Variants in CORIN observed in about 807,000 individuals in gnomAD.
CORIN encodes the protein atrial natriuretic peptide-converting enzyme.
CORIN carries 117 observed loss-of-function variants against 125.3 expected under a neutral mutation model. That is an observed-to-expected ratio of 0.93 (90% confidence interval 0.80 to 1.09). CORIN has a LOEUF of 1.09. Ranked by LOEUF, CORIN falls within the 50% of genes least tolerant of loss-of-function variation. The pLI is 0.00. For synonymous variants in CORIN, 450 were observed against 466.4 expected (o/e 0.96, Z 0.45); for missense variants, 1,253 against 1,306.7 (o/e 0.96, Z 0.63).
rs955210725 is a variant in CORIN, at chr4:47,789,171, G to A, written c.209-2246C>T. On this transcript the variant is annotated intron_variant, in intron 2 of 21. Coordinates refer to ENST00000273857, the MANE Select transcript of CORIN (RefSeq NM_006587.4). ...AAAATAAAATTAGCTGGGCATGGTGGCGGGCACCTGTAATCTCAGCTACTA... is the reference window on the plus strand; with the variant it reads ...AAAATAAAATTAGCTGGGCATGGTGACGGGCACCTGTAATCTCAGCTACTA... 4.6e-5 allele frequency among the ~76,000 whole-genome samples: 7 copies of A among 152,212 alleles called. No homozygotes were observed. In the South Asian group the frequency reaches 1.5e-3, roughly 32 times the overall value.
chr4:47,821,227 C>A (rs528168610), intron 1 of CORIN, among the ~76,000 whole-genome samples: 1 of 151,384 alleles, frequency 6.6e-6, no homozygotes, highest in African/African-American at 2.4e-5. Flanking sequence ...AGAGCGAGAC[C>A]CCATCTCAAA....
At chr4:47,718,438 T>G (rs1727199961) in intron 5 of CORIN, among the ~76,000 whole-genome samples, 1 of 152,176 alleles carries the variant, frequency 6.6e-6, no homozygotes, top group African/African-American at 2.4e-5. Flanking sequence ...TATTAGGTAG[T>G]AAGGAAAATT....
At chr4:47,693,230 C>A in intron 5 of CORIN, 147 bp from the exon 6 acceptor site, 1 of 619,966 alleles carries the variant, frequency 1.6e-6, no homozygotes, top group South Asian at 2.0e-5. Context: ...ATCAATTTTT[C>A]TTTGGCATCC....
chr4:47,769,762 G>A (rs1258159937), intron 3 of CORIN, among the ~76,000 whole-genome samples: 1 of 151,968 alleles, frequency 6.6e-6, no homozygotes, highest in African/African-American at 2.4e-5. Flanking sequence ...ATACACAATG[G>A]GGAAACAACA....
chr4:47,628,440 G>A (rs868242453), intron 16 of CORIN, among the ~76,000 whole-genome samples: 223 of 79,878 alleles, frequency 2.8e-3, no homozygotes, highest in African/African-American at 0.015. Flanking sequence ...ATAGTTACGT[G>A]TGTGTGTGTG....
At chr4:47,607,955 G>GA (rs112787504) in intron 19 of CORIN, among the ~76,000 whole-genome samples, 38,949 of 141,896 alleles carry the variant, frequency 0.27, 5,194 homozygotes, top group Admixed American at 0.36. Flanking sequence ...TCAAAAAAAA[G>GA]AAAAAAAAAA....
chr4:47,603,371 GAGA>G, intron 20 of CORIN, 23 bp downstream of exon 20: 1 of 1,607,794 alleles, frequency 6.2e-7, no homozygotes, highest in Non-Finnish European at 8.5e-7. Context: ...ATAGCAGCAT[GAGA>G]ATGGACTAAT....
At chr4:47,799,425 T>C (rs779241043) in intron 2 of CORIN, among the ~76,000 whole-genome samples, 6 of 152,156 alleles carry the variant, frequency 3.9e-5, no homozygotes, top group Admixed American at 1.3e-4. Context: ...ACAGCATCTG[T>C]TGTTTTTTGA....
At chr4:47,791,896 T>A (rs1325448762) in intron 2 of CORIN, among the ~76,000 whole-genome samples, 1 of 152,172 alleles carries the variant, frequency 6.6e-6, no homozygotes, top group Non-Finnish European at 1.5e-5. Flanking sequence ...ATCAAGATGT[T>A]TATAGATTAG....
chr4:47,656,152 A>ATTT lies in CORIN; in HGVS notation c.1736-2495_1736-2493dup, dbSNP rs199763449. ...AGGTCATTCATCATGACCATTTAGG[A>ATTT]TTTTTTTTTTTTTTTTTTTTGAGAT... is the stretch of plus-strand genomic sequence containing the variant. On this transcript the variant is annotated intron_variant, in intron 12 of 21. Coordinates refer to ENST00000273857, the MANE Select transcript of CORIN (RefSeq NM_006587.4). Among the ~76,000 whole-genome samples the ATTT allele has an allele frequency of 2.0e-3, 262 of 133,700 alleles. 1 individual carries two copies. Among genetic ancestry groups the ATTT allele is most frequent in the African/African-American group, 5.3e-3 (189 of 35,892 alleles). The allele number at this position is 133,700 out of a possible 152,430, so 87.7% of individuals were successfully genotyped here.
intron 16 of CORIN, among the ~76,000 whole-genome samples, chr4:47,630,149 C>T (rs1722751678): frequency 6.6e-6 from 1 of 152,138 alleles, no homozygotes; most frequent in Non-Finnish European, 1.5e-5. Context: ...TAAACATTCA[C>T]CTTCGCCTAC....
At chr4:47,773,528 C>T (rs967136891) in intron 3 of CORIN, among the ~76,000 whole-genome samples, 2 of 152,170 alleles carry the variant, frequency 1.3e-5, no homozygotes, top group African/African-American at 2.4e-5. Flanking sequence ...ATTTAAATAA[C>T]GCTCTCTAAT....
At chr4:47,661,503 C>A (rs1724248511) in intron 12 of CORIN, 2 of 503,176 alleles carry the variant, frequency 4.0e-6, no homozygotes, top group Admixed American at 3.6e-5. Context: ...AAAATGACTT[C>A]TTTATTTTTA....
intron 5 of CORIN, among the ~76,000 whole-genome samples, chr4:47,729,449 G>A (rs1317298673): frequency 6.6e-6 from 1 of 152,170 alleles, no homozygotes; most frequent in Non-Finnish European, 1.5e-5. Flanking sequence ...AGAACTGAGG[G>A]GAGATATCTG....
At position 47,675,741 on chromosome 4, in the gene CORIN, A is replaced by G. The variant is rs571951790; in HGVS notation, c.1250-1241T>C. Among the ~76,000 whole-genome samples the G allele has an allele frequency of 3.2e-4, 48 of 152,078 alleles. 1 individual carries two copies. Among genetic ancestry groups the G allele is most frequent in the African/African-American group, 1.1e-3 (46 of 41,482 alleles). On this transcript the variant is annotated intron_variant, in intron 9 of 21. Transcript: ENST00000273857. Reference sequence around the variant, plus strand: ...ATGGAAGACATATTTATTTTTACTTATTTATTGTTTCATAGAGATGGGGGT... The same window carrying G: ...ATGGAAGACATATTTATTTTTACTTGTTTATTGTTTCATAGAGATGGGGGT...
rs573085526 is a variant in CORIN at position 47,687,266 on chromosome 4, A to C, written c.914-3428T>G. Among the ~76,000 whole-genome samples, 3 of 152,346 alleles carry C rather than the reference A, an allele frequency of 2.0e-5. No homozygotes were observed. In the South Asian group the frequency reaches 6.2e-4, roughly 32 times the overall value. ...GCCAGAAATACAAATGGCAAATGCA[A>C]ATACAGTAGCAAATGGCAAAGATCA... On this transcript the variant is annotated intron_variant, in intron 6 of 21. Coordinates refer to ENST00000273857, the MANE Select transcript of CORIN (RefSeq NM_006587.4).
At chr4:47,747,089 G>T (rs1728696875) in intron 4 of CORIN, among the ~76,000 whole-genome samples, 1 of 151,920 alleles carries the variant, frequency 6.6e-6, no homozygotes, top group Non-Finnish European at 1.5e-5. Context: ...AAGGTCCCAG[G>T]GTCCCAATGC....
At chr4:47,765,591 T>C (rs1474654119) in intron 3 of CORIN, among the ~76,000 whole-genome samples, 1 of 152,218 alleles carries the variant, frequency 6.6e-6, no homozygotes, top group East Asian at 1.9e-4. Context: ...TATTGTCAAA[T>C]TCCCCCATCA....
intron 5 of CORIN, among the ~76,000 whole-genome samples, chr4:47,716,337 A>AT (rs890198666): frequency 1.3e-5 from 2 of 152,150 alleles, no homozygotes; most frequent in African/African-American, 4.8e-5. Context: ...TCACTGAATG[A>AT]TTTTTGGAAG....
Sources: gnomAD v4.1 joint callset for allele counts (sites outside exome capture counted in the v4.1 genomes callset) on GRCh38, gnomAD v4.1.1 for gene constraint, MANE v1.5 for transcripts, NCBI Gene and HGNC (gene_info 2026-07-23, HGNC 2026-07-21) for gene names.